The following CBARP variants were observed in gnomAD, a reference collection of about 807,000 sequenced individuals.
CBARP encodes voltage-dependent calcium channel beta subunit-associated regulatory protein.
In CBARP, 24 loss-of-function variants were observed where a neutral mutation model predicts 36.3. The ratio of observed to expected loss-of-function variants is 0.66; its 90% confidence interval spans 0.48 to 0.93. The LOEUF is 0.93. Among genes scored for constraint, CBARP ranks in the 40% least tolerant of loss-of-function variants. The pLI is 0.00. For synonymous variants in CBARP, 586 were observed against 453.2 expected, an observed-to-expected ratio of 1.29 and a Z score of -3.72; for missense variants, 1,146 against 980.4, an observed-to-expected ratio of 1.17 and a Z score of -2.26.
intron 4 of CBARP, 102 bp downstream of exon 4, chr19:1,235,399 G>A: frequency 7.7e-7 from 1 of 1,292,594 alleles, no homozygotes; most frequent in Non-Finnish European, 1.1e-6. Flanking sequence ...GTCTGGTGGG[G>A]GAGACAGACA....
intron 8 of CBARP, 27 bp downstream of exon 8, chr19:1,233,399 C>T: frequency 1.9e-6 from 3 of 1,547,482 alleles, no homozygotes; most frequent in Non-Finnish European, 2.6e-6. Context: ...CACAGGGGCC[C>T]ACTCTCCACC....
intron 8 of CBARP, among the ~76,000 whole-genome samples, chr19:1,232,731 C>T (rs748718704): frequency 1.3e-5 from 2 of 152,266 alleles, no homozygotes; most frequent in Non-Finnish European, 2.9e-5. Flanking sequence ...CCCGGAGCTT[C>T]GGTAAGTTTT....
At position 1,229,084 on chromosome 19, in the gene CBARP, C is replaced by T. The variant is rs1289112888; in HGVS notation, c.*95G>A. The stretch of plus-strand genomic sequence containing the variant: ...GAAGGGCCCGCGGTCCCCGCGCATT[C>T]GCGTCGGGGCGTCGCGCCCCCACGT... On this transcript the variant is annotated 3_prime_UTR_variant, in exon 10 of 10. Coordinates refer to ENST00000650044, the MANE Select transcript of CBARP (RefSeq NM_001393918.1). The surrounding 1 kb of genome is among the most constrained non-coding windows in gnomAD (Gnocchi z 5.1). 2 of 352,874 alleles carry T rather than the reference C, an allele frequency of 5.7e-6. No homozygotes were observed. Among genetic ancestry groups the T allele is most frequent in the East Asian group, 1.7e-4 (1 of 5,990 alleles). The allele number at this position is 352,874 out of a possible 1,614,324, so 21.9% of individuals were successfully genotyped here.
chr19:1,230,989 C>G lies in CBARP; in HGVS notation c.1154+112G>C, dbSNP rs368744096. On this transcript the variant is annotated intron_variant, in intron 9 of 9. Transcript: ENST00000650044. ...GAGGGGCCTTGCCGCTGGAGGCAGG[C>G]GAGCGCGTGTCCACGGGGCCTGGAG... The G allele has an allele frequency of 1.2e-5, 19 of 1,550,586 alleles. No individual in the cohort carries two copies. In the South Asian group the frequency reaches 1.9e-4, roughly 16 times the overall value.
At chr19:1,236,439 G>C (rs557816412) in intron 1 of CBARP, among the ~76,000 whole-genome samples, 4 of 152,324 alleles carry the variant, frequency 2.6e-5, no homozygotes, top group African/African-American at 9.6e-5. Flanking sequence ...CTGGAGCTCA[G>C]CGCTGGGCAG....
At chr19:1,233,795 C>T (rs973706749) in intron 7 of CBARP, among the ~76,000 whole-genome samples, 159 bp from the exon 8 acceptor site, 5 of 152,202 alleles carry the variant, frequency 3.3e-5, no homozygotes, top group South Asian at 2.1e-4. Context: ...GGAGGAGGGG[C>T]GCTCAGTGGC....
In CBARP at chr19:1,230,064, C is replaced by T. The variant is rs1568728261; in HGVS notation, c.1233G>A (p.Glu411=). The T allele has an allele frequency of 8.3e-7, 1 of 1,200,004 alleles. No homozygotes were observed. Among genetic ancestry groups the T allele is most frequent in the Non-Finnish European group, 1.1e-6 (1 of 949,104 alleles). 74.3% of individuals were successfully genotyped at this position (1,200,004 alleles called of 1,614,324 possible). The change falls in exon 10 of 10, where the codon GAG becomes GAA. Residue 411 remains glutamate (E), a synonymous_variant. Transcript: ENST00000650044. ...CCGGCTCCAGTGGCGGCTGCTGCTGCTCAGGCCCCGCGCTGCCCGCGCCGC... is the reference window on the plus strand; with the variant it reads ...CCGGCTCCAGTGGCGGCTGCTGCTGTTCAGGCCCCGCGCTGCCCGCGCCGC... ...PERGAGSAGP[E]QQQPPLEPDA...
At chr19:1,235,358 A>G in intron 4 of CBARP, 143 bp downstream of exon 4, 1 of 1,114,602 alleles carries the variant, frequency 9.0e-7, no homozygotes. Context: ...CGTTAAGGAA[A>G]CAGAGATGAG....
chr19:1,231,036 G>GA, intron 9 of CBARP, 65 bp downstream of exon 9: 1 of 1,556,762 alleles, frequency 6.4e-7, no homozygotes, highest in South Asian at 1.2e-5. Flanking sequence ...GGCCGCCTAG[G>GA]GGGGGGCGAA....
Position 1,230,096 on chromosome 19 carries a change from G to A in CBARP, c.1201C>T (p.Pro401Ser). ...CCCGCGCTGCCCGCGCCGCGCTCCGGGGGGGAATCGGGGCTCGCTCCTCCC... is the reference window on the plus strand; with the variant it reads ...CCCGCGCTGCCCGCGCCGCGCTCCGAGGGGGAATCGGGGCTCGCTCCTCCC... ...AAGGASPDSP[P>S]ERGAGSAGPE... The change falls in exon 10 of 10, where the codon CCG becomes TCG. Residue 401 changes from proline to serine, a missense_variant. Transcript: ENST00000650044. The A allele has an allele frequency of 9.3e-7, 1 of 1,080,326 alleles. No homozygotes were observed. The highest frequency in any genetic ancestry group is 2.1e-5 in the South Asian group (1 of 46,826). 66.9% of individuals were successfully genotyped at this position (1,080,326 alleles called of 1,614,324 possible). A position where few individuals can be genotyped will look rare whatever the true frequency, so the allele number is the denominator to read the frequency against.
At position 1,231,284 on chromosome 19, in the gene CBARP, G is replaced by C. The variant is rs760650145; in HGVS notation, c.980-9C>G. ...GTGCCGCTTGGGGGAACCTGCGCAC[G>C]GGATGTGCCGTAAGCGTCAGCCGGC... On this transcript the variant is annotated splice_polypyrimidine_tract_variant and intron_variant, in intron 8 of 9. Coordinates refer to ENST00000650044, the MANE Select transcript of CBARP (RefSeq NM_001393918.1). The C allele has an allele frequency of 2.8e-5, 45 of 1,597,810 alleles. No homozygotes were observed. Among genetic ancestry groups the C allele is most frequent in the Non-Finnish European group, 3.5e-5 (41 of 1,178,448 alleles).
At chr19:1,234,802 C>A (rs746936036) in intron 5 of CBARP, 60 bp from the exon 6 acceptor site, 2 of 1,566,496 alleles carry the variant, frequency 1.3e-6, no homozygotes, top group East Asian at 2.3e-5. Context: ...CCCCAGCTGC[C>A]GTGCTCTGCC....
chr19:1,231,969 G>A (rs531608186), intron 8 of CBARP, among the ~76,000 whole-genome samples: 137 of 152,254 alleles, frequency 9.0e-4, no homozygotes, highest in African/African-American at 3.1e-3. Context: ...TGCACAGCCT[G>A]GCTGAAACTA....
At chr19:1,233,373 CA>C in intron 8 of CBARP, 52 bp downstream of exon 8, 1 of 1,492,980 alleles carries the variant, frequency 6.7e-7, no homozygotes, top group African/African-American at 1.4e-5. Context: ...CAGCCCCTGG[CA>C]GCCAGCACCC....
chr19:1,235,960 G>C (rs148539768), intron 2 of CBARP, 36 bp downstream of exon 2: 8 of 1,588,534 alleles, frequency 5.0e-6, no homozygotes, highest in East Asian at 2.2e-5. Flanking sequence ...TGGCCTGGAC[G>C]ACCTCCTGCC....
intron 7 of CBARP, among the ~76,000 whole-genome samples, chr19:1,233,875 G>A (rs1221507650): frequency 1.3e-5 from 2 of 152,352 alleles, no homozygotes; most frequent in East Asian, 1.9e-4. Flanking sequence ...GAGAGAAAAG[G>A]AGGTGCGTGT....
rs768483192 is a variant in CBARP, at chr19:1,229,575, G to A, written c.1722C>T (p.His574=). Residue 574 remains histidine, a synonymous_variant, in exon 10 of 10, where the codon CAC becomes CAT. Transcript: ENST00000650044. The surrounding 1 kb of genome is among the most constrained non-coding windows in gnomAD (Gnocchi z 5.1). ...PAAARHRARA[H]PHARKQWQRG... ...GCTGCCACTGTTTGCGGGCGTGCGG[G>A]TGCGCGCGGGCGCGGTGTCGCGCGG... 14 of 1,133,448 alleles carry A rather than the reference G, an allele frequency of 1.2e-5. 1 individual carries two copies. In the South Asian group the frequency reaches 2.1e-4, roughly 17 times the overall value. 70.2% of individuals were successfully genotyped at this position (1,133,448 alleles called of 1,614,324 possible). A position where few individuals can be genotyped will look rare whatever the true frequency, so the allele number is the denominator to read the frequency against.
chr19:1,230,636 C>T (rs1289510390), intron 9 of CBARP: 39 of 1,255,468 alleles, frequency 3.1e-5, no homozygotes, highest in Non-Finnish European at 3.9e-5. Flanking sequence ...CCCAGCCCCA[C>T]GCCCCATTCC....
chr19:1,237,443 C>G (rs1399911014), intron 1 of CBARP, among the ~76,000 whole-genome samples: 1 of 151,812 alleles, frequency 6.6e-6, no homozygotes, highest in Non-Finnish European at 1.5e-5. Context: ...AGGTTCCCCA[C>G]GGGGCAGCAC....
Sources: allele counts gnomAD v4.1 joint callset (sites outside exome capture counted in the v4.1 genomes callset), GRCh38; gene constraint gnomAD v4.1.1; non-coding constraint Gnocchi (gnomAD v3.1); transcripts MANE v1.5; gene names NCBI Gene and HGNC (gene_info 2026-07-23, HGNC 2026-07-21).